ADAMTS7: variants seen among roughly 807,000 people sequenced by gnomAD.
ADAMTS7 encodes the protein ADAM metallopeptidase with thrombospondin type 1 motif 7.
ADAMTS7 carries 89 observed loss-of-function variants against 172.6 expected under a neutral mutation model. The ratio of observed to expected loss-of-function variants is 0.52; its 90% CI spans 0.43 to 0.61. The LOEUF is 0.61. Among genes scored for constraint, ADAMTS7 ranks in the 20% least tolerant of loss-of-function variants. The pLI, the probability that ADAMTS7 is intolerant of heterozygous loss-of-function variation, is 0.00. For synonymous variants in ADAMTS7, 885 were observed against 978.4 expected (o/e 0.90, Z 1.78); for missense variants, 1,973 against 2,355.6 (o/e 0.84, Z 3.36).
In ADAMTS7 at chr15:78,766,673, G is replaced by T. The variant is rs1180698712; in HGVS notation, c.3238C>A (p.Pro1080Thr). 4 of 1,610,940 alleles carry T rather than the reference G, an allele frequency of 2.5e-6. No individual in the cohort carries two copies. The East Asian group carries it at 6.7e-5, about 27-fold the overall frequency. The change falls in exon 19 of 24, where the codon CCC becomes ACC. Residue 1080 changes from proline (P) to threonine (T), a missense_variant. Transcript: ENST00000388820. ...AGGTCTAGATCGGGCTCCTCAGAGGGCCCGTAGGACAGATCCTCGTGGAAA... is the reference window on the plus strand; with the variant it reads ...AGGTCTAGATCGGGCTCCTCAGAGGTCCCGTAGGACAGATCCTCGTGGAAA... ...INFHEDLSYG[P>T]SEEPDLDLAG...
chr15:78,768,675 G>A (rs1259639058), intron 16 of ADAMTS7, among the ~76,000 whole-genome samples: 8 of 152,326 alleles, frequency 5.3e-5, no homozygotes, highest in South Asian at 2.1e-4. Flanking sequence ...GGCTCAGCCC[G>A]TGCCCGGCAC....
intron 23 of ADAMTS7, among the ~76,000 whole-genome samples, chr15:78,760,985 C>G (rs1008324582): frequency 8.5e-5 from 13 of 152,120 alleles, no homozygotes; most frequent in Non-Finnish European, 1.9e-4. Flanking sequence ...GGGATCATAA[C>G]CACCCCGCTC....
chr15:78,775,684 G>T (rs1252855645), intron 11 of ADAMTS7, among the ~76,000 whole-genome samples: 1 of 152,156 alleles, frequency 6.6e-6, no homozygotes, highest in African/African-American at 2.4e-5. Flanking sequence ...GAGCCTCTGA[G>T]GCCACCAAGC....
In ADAMTS7 at chr15:78,791,201, G is replaced by A; in HGVS notation, c.842C>T (p.Pro281Leu). The A allele has an allele frequency of 1.2e-6, 2 of 1,613,388 alleles. No individual in the cohort carries two copies. Among genetic ancestry groups the A allele is most frequent in the Non-Finnish European group, 1.7e-6 (2 of 1,179,698 alleles). ...MNMVAGLFHDPSIGNPIHITI... is the reference protein window; with the variant it reads ...MNMVAGLFHDLSIGNPIHITI... ...GATGTGGATGGGGTTCCCAATGCTG[G>A]GGTCATGAAACAGGCCAGCCACCTG... The change falls in exon 5 of 24, where the codon CCC (proline) becomes CTC (leucine). Residue 281 changes from proline (P) to leucine (L), a missense_variant. By Grantham distance (98) the Pro-to-Leu change is moderately conservative. Coordinates refer to ENST00000388820, the MANE Select transcript of ADAMTS7 (RefSeq NM_014272.5).
At chr15:78,805,846 C>T (rs935794763) in intron 1 of ADAMTS7, among the ~76,000 whole-genome samples, 16 of 151,838 alleles carry the variant, frequency 1.1e-4, no homozygotes, top group Non-Finnish European at 1.8e-4. Flanking sequence ...TTTGGAAGAC[C>T]GAGGAGGGCA....
At position 78,797,491 on chromosome 15, in the gene ADAMTS7, TG is replaced by T. The variant is rs1467468469; in HGVS notation, c.622+456del. ...TACTGCTGCTCTGCAGAGGAGGCACTGGGTACCACACTCCAGGTCCCAATAA... is the reference window on the plus strand; with the variant it reads ...TACTGCTGCTCTGCAGAGGAGGCACTGGTACCACACTCCAGGTCCCAATAA... On this transcript the variant is annotated intron_variant, in intron 3 of 23. Coordinates refer to ENST00000388820, the MANE Select transcript of ADAMTS7 (RefSeq NM_014272.5). Among the ~76,000 whole-genome samples the T allele has an allele frequency of 2.6e-5, 4 of 152,302 alleles. No homozygotes were observed. In the East Asian group the frequency reaches 7.7e-4, roughly 29 times the overall value.
In ADAMTS7 at chr15:78,800,395, G is replaced by A; in HGVS notation, c.253C>T (p.Gln85Ter). Residue 85 changes from glutamine (Q) to a stop codon, truncating the protein, a stop_gained, in exon 2 of 24, where the codon CAA (glutamine) becomes TAA (stop). Transcript: ENST00000388820. LOFTEE classifies it high-confidence loss of function. ...AAGCGCAGCTCGCGCCCGCGGTATT[G>A]TAGCTCGTAGAAGGCGGGCGCGTCT... The part of the protein sequence containing the change: ...RRDAPAFYEL[Q>*]YRGRELRFNL... The A allele has an allele frequency of 1.2e-6, 2 of 1,608,952 alleles. No individual in the cohort carries two copies. Among genetic ancestry groups the A allele is most frequent in the Non-Finnish European group, 1.7e-6 (2 of 1,178,160 alleles).
At chr15:78,760,771 T>C (rs1461463569) in intron 23 of ADAMTS7, among the ~76,000 whole-genome samples, 1 of 152,094 alleles carries the variant, frequency 6.6e-6, no homozygotes, top group Non-Finnish European at 1.5e-5. Flanking sequence ...CCCTCCACTG[T>C]TCACTGATGG....
At chr15:78,785,995 T>C (rs2055496354) in intron 8 of ADAMTS7, among the ~76,000 whole-genome samples, 1 of 150,166 alleles carries the variant, frequency 6.7e-6, no homozygotes, top group East Asian at 1.9e-4. Context: ...AGTGGCGCGA[T>C]CTTGGCTCAC....
At chr15:78,763,637 C>T (rs2055085932) in intron 22 of ADAMTS7, 62 bp downstream of exon 22, 1 of 1,497,856 alleles carries the variant, frequency 6.7e-7, no homozygotes, top group African/African-American at 1.4e-5. Context: ...CTTCACCCAA[C>T]CCAAGACTGA....
chr15:78,797,851 G>T, intron 3 of ADAMTS7, 97 bp downstream of exon 3: 6 of 1,368,766 alleles, frequency 4.4e-6, no homozygotes, highest in Non-Finnish European at 5.0e-6. Flanking sequence ...GGTCTAAGGG[G>T]CACTGGGCAT....
At chr15:78,802,420 G>A (rs1418247393) in intron 1 of ADAMTS7, among the ~76,000 whole-genome samples, 3 of 152,210 alleles carry the variant, frequency 2.0e-5, no homozygotes, top group African/African-American at 7.2e-5. Context: ...CAGGCCTCCT[G>A]GATTGGGGAG....
At chr15:78,810,471 CG>C (rs1163101112) in intron 1 of ADAMTS7, 1 of 152,336 alleles carries the variant, frequency 6.6e-6, no homozygotes, top group Non-Finnish European at 1.5e-5. Context: ...GCCGGCCCGG[CG>C]GGGCGGGGAG....
intron 8 of ADAMTS7, among the ~76,000 whole-genome samples, chr15:78,780,198 C>T (rs2055410100): frequency 6.7e-6 from 1 of 148,512 alleles, no homozygotes; most frequent in African/African-American, 2.5e-5. Context: ...CCGACACACC[C>T]GGATCCCCAA....
rs572527809 is a variant in ADAMTS7 at position 78,773,201 on chromosome 15, G to A, written c.2013C>T (p.Asn671=). The A allele has an allele frequency of 8.8e-6, 13 of 1,475,370 alleles. No individual in the cohort carries two copies. The Admixed American group carries it at 1.1e-4, about 13-fold the overall frequency. The allele number at this position is 1,475,370 out of a possible 1,614,324, so 91.4% of individuals were successfully genotyped here. A position where few individuals can be genotyped will look rare whatever the true frequency, so the allele number is the denominator to read the frequency against. ...RDLCINGICK[N]VGCDFEIDSG... ...AGTCAATCTCGAAGTCACAGCCCACGTTCTGCAACACACAAGGAAGGGAGG... is the reference window on the plus strand; with the variant it reads ...AGTCAATCTCGAAGTCACAGCCCACATTCTGCAACACACAAGGAAGGGAGG... The change falls in exon 14 of 24, where the codon AAC becomes AAT. Residue 671 remains asparagine (N), a splice_region_variant and synonymous_variant. Transcript: ENST00000388820.
intron 10 of ADAMTS7, 74 bp downstream of exon 10, chr15:78,776,675 G>C: frequency 7.1e-7 from 1 of 1,411,132 alleles, no homozygotes; most frequent in Non-Finnish European, 9.8e-7. Flanking sequence ...AGCCGGGGCT[G>C]ACCCCAGGGC....
chr15:78,760,355 G>C (rs1289100607), intron 23 of ADAMTS7, among the ~76,000 whole-genome samples: 20 of 152,200 alleles, frequency 1.3e-4, no homozygotes, highest in Middle Eastern at 6.8e-3. Context: ...ACAGCCCCCA[G>C]CTGCCACCCG....
At chr15:78,761,450 T>G (rs2055041450) in intron 23 of ADAMTS7, among the ~76,000 whole-genome samples, 2 of 152,242 alleles carry the variant, frequency 1.3e-5, no homozygotes, top group South Asian at 4.1e-4. Context: ...ACCTTGCAAT[T>G]GGGGATGACA....
intron 16 of ADAMTS7, chr15:78,770,959 C>T: frequency 1.4e-6 from 1 of 692,730 alleles, no homozygotes; most frequent in Non-Finnish European, 2.4e-6. Context: ...GAGCCAGCAC[C>T]CACCTGCCTC....
Sources: gnomAD v4.1 joint callset for allele counts (sites outside exome capture counted in the v4.1 genomes callset) on GRCh38, gnomAD v4.1.1 for gene constraint, MANE v1.5 for transcripts, NCBI Gene and HGNC (gene_info 2026-07-23, HGNC 2026-07-21) for gene names.